The following PIAS1 variants were observed in gnomAD, a reference collection of about 807,000 sequenced individuals.
PIAS1 encodes E3 SUMO-protein ligase PIAS1.
In PIAS1, 6 loss-of-function variants were observed where a neutral mutation model predicts 71.3. The ratio of observed to expected loss-of-function variants is 0.08; its 90% confidence interval spans 0.05 to 0.17. The LOEUF is 0.17. Ranked by LOEUF, PIAS1 falls within the 10% of genes least tolerant of loss-of-function variation. The probability of loss-of-function intolerance (pLI) is 1.00; values close to 1 mark genes in which losing one functional copy is unlikely to be tolerated. For synonymous variants in PIAS1, 303 were observed against 292.9 expected (o/e 1.03, Z -0.35); for missense variants, 555 against 793.6 (o/e 0.70, Z 3.61).
intron 2 of PIAS1, among the ~76,000 whole-genome samples, chr15:68,094,379 T>G (rs1407144452): frequency 6.6e-6 from 1 of 151,750 alleles, no homozygotes; most frequent in Non-Finnish European, 1.5e-5. Flanking sequence ...ATTTGAAATA[T>G]ATATATATTT....
At chr15:68,122,500 C>G (rs1231642719) in intron 2 of PIAS1, among the ~76,000 whole-genome samples, 1 of 152,096 alleles carries the variant, frequency 6.6e-6, no homozygotes, top group Non-Finnish European at 1.5e-5. Context: ...GTGAGATTTA[C>G]CTGAACTCAT....
chr15:68,176,689 A>G (rs1428354284), intron 11 of PIAS1, 35 bp downstream of exon 11: 1 of 1,424,834 alleles, frequency 7.0e-7, no homozygotes, highest in Non-Finnish European at 9.5e-7. Flanking sequence ...AAAAGTAATC[A>G]TGAAAATTAA....
chr15:68,181,999 T>G (rs1238769452), intron 12 of PIAS1: 1 of 152,242 alleles, frequency 6.6e-6, no homozygotes, highest in Admixed American at 6.5e-5. Context: ...GTACCCTGAC[T>G]TTAGTTGTAA....
intron 1 of PIAS1, among the ~76,000 whole-genome samples, chr15:68,061,160 T>A (rs1412263240): frequency 6.6e-6 from 1 of 152,258 alleles, no homozygotes; most frequent in Non-Finnish European, 1.5e-5. Flanking sequence ...TAAATTTGAT[T>A]CGTTCGACTT....
chr15:68,177,294 A>G (rs562905377), intron 11 of PIAS1, among the ~76,000 whole-genome samples: 19 of 150,976 alleles, frequency 1.3e-4, no homozygotes, highest in African/African-American at 2.9e-4. Context: ...AAAAAAAAAA[A>G]AAAGAAAGAA....
chr15:68,078,387 C>T (rs1567031219), intron 1 of PIAS1, among the ~76,000 whole-genome samples: 1 of 152,092 alleles, frequency 6.6e-6, no homozygotes. Flanking sequence ...AGGTTTATTT[C>T]TTAGTTTTTT....
rs1179056161 is a variant in PIAS1, at chr15:68,134,336, C to T, written c.470-7610C>T. On this transcript the variant is annotated intron_variant, in intron 2 of 13. Coordinates refer to ENST00000249636, the MANE Select transcript of PIAS1 (RefSeq NM_016166.3). ...CCGGGCAGAGGCGCCCCTCATCTCC[C>T]AGACGAGGCGGCTGGCCGGGCGGGG... Among the ~76,000 whole-genome samples, 20 of 36,258 alleles carry T rather than the reference C, an allele frequency of 5.5e-4. 6 individuals are homozygous for T. The East Asian group carries it at 0.016, about 29-fold the overall frequency. 23.8% of individuals were successfully genotyped at this position (36,258 alleles called of 152,430 possible). A position where few individuals can be genotyped will look rare whatever the true frequency, so the allele number is the denominator to read the frequency against.
intron 2 of PIAS1, among the ~76,000 whole-genome samples, chr15:68,135,072 C>A (rs1236011791): frequency 2.2e-3 from 94 of 42,930 alleles, no homozygotes; most frequent in African/African-American, 4.5e-3. Context: ...ACCTCCCGGA[C>A]GGGGTGGCTG....
At chr15:68,057,027 C>G (rs1262945120) in intron 1 of PIAS1, among the ~76,000 whole-genome samples, 1 of 152,134 alleles carries the variant, frequency 6.6e-6, no homozygotes, top group East Asian at 1.9e-4. Flanking sequence ...CAGCCCCATA[C>G]TTCATTTTGC....
chr15:68,129,573 G>A (rs1488537269), intron 2 of PIAS1, among the ~76,000 whole-genome samples: 1 of 151,898 alleles, frequency 6.6e-6, no homozygotes. Flanking sequence ...ATGCTTTTAT[G>A]ATTTAAAAAG....
At chr15:68,163,051 CT>C (rs1338244509) in intron 7 of PIAS1, among the ~76,000 whole-genome samples, 1 of 152,202 alleles carries the variant, frequency 6.6e-6, no homozygotes, top group African/African-American at 2.4e-5. Context: ...CTCGCAGACA[CT>C]TTCAGAAATT....
chr15:68,177,555 T>C (rs887395377), intron 11 of PIAS1, among the ~76,000 whole-genome samples: 1 of 152,204 alleles, frequency 6.6e-6, no homozygotes, highest in Non-Finnish European at 1.5e-5. Flanking sequence ...ATTAGTCTTA[T>C]ATCAATAACA....
intron 2 of PIAS1, among the ~76,000 whole-genome samples, chr15:68,103,720 C>T (rs548499795): frequency 1.8e-4 from 28 of 152,222 alleles, no homozygotes; most frequent in Non-Finnish European, 3.8e-4. Context: ...TATGACCTTC[C>T]GTGACTGGCT....
chr15:68,173,014 T>A lies in PIAS1; in HGVS notation c.1009-718T>A, dbSNP rs1220178733. Among the ~76,000 whole-genome samples the A allele has an allele frequency of 6.6e-6, 1 of 152,224 alleles. No individual in the cohort carries two copies. The highest frequency in any genetic ancestry group is 1.5e-5 in the Non-Finnish European group (1 of 68,040). The stretch of plus-strand genomic sequence containing the variant: ...TGCCACTTGGCAATTATGCCAAACA[T>A]CATGGGGAATGATCACTATTGATTC... On this transcript the variant is annotated intron_variant, in intron 8 of 13. Coordinates refer to ENST00000249636, the MANE Select transcript of PIAS1 (RefSeq NM_016166.3). This position sits in a 1 kb window ranked among gnomAD's most constrained non-coding sequence, Gnocchi z 4.3.
intron 2 of PIAS1, among the ~76,000 whole-genome samples, chr15:68,117,058 G>T (rs73423764): frequency 1.3e-5 from 2 of 151,894 alleles, no homozygotes; most frequent in East Asian, 3.9e-4. Flanking sequence ...CCCTTCTAGC[G>T]TTTTTTTGTT....
At chr15:68,097,600 T>A (rs2092387840) in intron 2 of PIAS1, among the ~76,000 whole-genome samples, 1 of 152,066 alleles carries the variant, frequency 6.6e-6, no homozygotes, top group South Asian at 2.1e-4. Context: ...GCCCATCTAA[T>A]TTTTGTATTT....
chr15:68,060,896 T>C (rs527412452), intron 1 of PIAS1, among the ~76,000 whole-genome samples: 106 of 152,314 alleles, frequency 7.0e-4, no homozygotes, highest in Non-Finnish European at 6.0e-4. Flanking sequence ...GTTGGCCAGG[T>C]TGGTCTCTAT....
At chr15:68,069,853 A>G (rs2092074408) in intron 1 of PIAS1, among the ~76,000 whole-genome samples, 1 of 151,864 alleles carries the variant, frequency 6.6e-6, no homozygotes, top group Admixed American at 6.6e-5. Flanking sequence ...CTGTAACTAT[A>G]TGAAAAATAG....
chr15:68,063,246 C>T (rs1446330275), intron 1 of PIAS1, among the ~76,000 whole-genome samples: 2 of 152,170 alleles, frequency 1.3e-5, no homozygotes, highest in African/African-American at 4.8e-5. Flanking sequence ...TAAAAAAGCT[C>T]ATGGCATAGT....
Sources: allele counts gnomAD v4.1 joint callset (sites outside exome capture counted in the v4.1 genomes callset), GRCh38; gene constraint gnomAD v4.1.1; non-coding constraint Gnocchi (gnomAD v3.1); transcripts MANE v1.5; gene names NCBI Gene and HGNC (gene_info 2026-07-23, HGNC 2026-07-21).